Variants in LMCD1 observed in about 807,000 individuals in gnomAD.
The protein encoded by LMCD1 is LIM and cysteine rich domains 1.
LMCD1 carries 32 observed loss-of-function variants against 42.7 expected under a neutral mutation model. That is an observed-to-expected ratio of 0.75 (90% CI 0.57 to 1.01). The LOEUF (loss-of-function observed/expected upper bound fraction) is 1.01. LMCD1 is among the 50% of genes least tolerant of loss of function. The pLI, the probability that LMCD1 is intolerant of heterozygous loss-of-function variation, is 0.00. For synonymous variants in LMCD1, 178 were observed against 184.9 expected, an observed-to-expected ratio of 0.96 and a Z score of 0.30; for missense variants, 458 against 483.1, an observed-to-expected ratio of 0.95 and a Z score of 0.49.
rs1389850998 is a variant in LMCD1 at position 8,502,109 on chromosome 3, C to G, written c.42+129C>G. The G allele has an allele frequency of 3.9e-6, 3 of 760,284 alleles. No homozygotes were observed. In the Admixed American group the frequency reaches 9.6e-5, roughly 24 times the overall value. The allele number at this position is 760,284 out of a possible 1,614,324, so 47.1% of individuals were successfully genotyped here. ...TTAAATTCCAAAACTGCATGGAAAA[C>G]AAATAGTTGGGAATACATGTTTGAG... On this transcript the variant is annotated intron_variant, in intron 1 of 5. Coordinates refer to ENST00000157600, the MANE Select transcript of LMCD1 (RefSeq NM_014583.4).
chr3:8,517,611 G>A (rs996133435), intron 1 of LMCD1, among the ~76,000 whole-genome samples: 2 of 152,116 alleles, frequency 1.3e-5, no homozygotes, highest in African/African-American at 4.8e-5. Context: ...TCTCATTTCA[G>A]TTCTTTCATT....
At chr3:8,561,864 C>CCGT (rs2125039690) in intron 4 of LMCD1, among the ~76,000 whole-genome samples, 1 of 129,580 alleles carries the variant, frequency 7.7e-6, no homozygotes, top group Admixed American at 7.9e-5. Context: ...ATTGTCGTTT[C>CCGT]CATCATCATC....
At position 8,537,632 on chromosome 3, in the gene LMCD1, T is replaced by C; in HGVS notation, c.387+192T>C. On this transcript the variant is annotated intron_variant, in intron 3 of 5. Coordinates refer to ENST00000157600, the MANE Select transcript of LMCD1 (RefSeq NM_014583.4). ...ATGAAGACTATCTGGGCCTCGGTTTTCCTTATCCATGAAATGGGTAGAGGT... is the reference window on the plus strand; with the variant it reads ...ATGAAGACTATCTGGGCCTCGGTTTCCCTTATCCATGAAATGGGTAGAGGT... 5.2e-6 allele frequency: 3 copies of C among 578,308 alleles called. No individual in the cohort carries two copies. The Admixed American group carries it at 1.0e-4, about 20-fold the overall frequency. The allele number at this position is 578,308 out of a possible 1,614,324, so 35.8% of individuals were successfully genotyped here.
chr3:8,559,122 C>T (rs561155706), intron 4 of LMCD1, among the ~76,000 whole-genome samples: 52 of 152,262 alleles, frequency 3.4e-4, no homozygotes, highest in Non-Finnish European at 6.8e-4. Context: ...GAAAAACTCA[C>T]ACGACTCGAT....
Position 8,565,460 on chromosome 3 carries a change from C to T in LMCD1, c.752C>T (p.Pro251Leu), listed in dbSNP as rs1260769405. The change falls in exon 5 of 6, where the codon CCT (proline) becomes CTT (leucine). Residue 251 changes from proline (P) to leucine (L), a missense_variant. By Grantham distance (98) the Pro-to-Leu change is moderately conservative. Coordinates refer to ENST00000157600, the MANE Select transcript of LMCD1 (RefSeq NM_014583.4). ...TGCGAGCTCTGCAAGGGAGCGGCCC[C>T]TCCTGACAGCCCCGTGGTCTACTCG... ...YVCELCKGAAPPDSPVVYSDR... is the reference protein window; with the variant it reads ...YVCELCKGAALPDSPVVYSDR... 6.2e-7 allele frequency: 1 copy of T among 1,614,228 alleles called. No homozygotes were observed. The highest frequency in any genetic ancestry group is 2.2e-5 in the East Asian group (1 of 44,888).
chr3:8,565,286 G>A (rs1695107117), intron 4 of LMCD1, 146 bp from the exon 5 acceptor site: 2 of 684,434 alleles, frequency 2.9e-6, no homozygotes, highest in Non-Finnish European at 5.3e-6. Flanking sequence ...GTGTCGCTTT[G>A]CAGATGACAA....
At chr3:8,505,731 C>T (rs1164740500) in intron 1 of LMCD1, among the ~76,000 whole-genome samples, 1 of 152,256 alleles carries the variant, frequency 6.6e-6, no homozygotes, top group Non-Finnish European at 1.5e-5. Context: ...GGATGTCTCT[C>T]TCCATGCTTC....
intron 1 of LMCD1, among the ~76,000 whole-genome samples, chr3:8,502,329 A>AT (rs1559342166): frequency 9.9e-5 from 2 of 20,228 alleles, no homozygotes; most frequent in African/African-American, 2.2e-4. Context: ...TATTATATAT[A>AT]ATATATATTA....
At chr3:8,529,194 G>A (rs1226587323) in intron 1 of LMCD1, among the ~76,000 whole-genome samples, 1 of 152,124 alleles carries the variant, frequency 6.6e-6, no homozygotes, top group Non-Finnish European at 1.5e-5. Context: ...AAACAAGATC[G>A]TTCTCTCTGT....
rs59852841 is a variant in LMCD1 at position 8,556,361 on chromosome 3, A to G, written c.723+7458A>G. ...TTAACTGAAAAGGGAAGAGTGTTTC[A>G]GGAGTAGTAAATATTTTTCCAGGAA... On this transcript the variant is annotated intron_variant, in intron 4 of 5. Coordinates refer to ENST00000157600, the MANE Select transcript of LMCD1 (RefSeq NM_014583.4). Among the ~76,000 whole-genome samples the G allele has an allele frequency of 9.1e-3, 1,382 of 152,120 alleles. 24 individuals are homozygous for G. Among genetic ancestry groups the G allele is most frequent in the African/African-American group, 0.031 (1,279 of 41,496 alleles).
intron 1 of LMCD1, among the ~76,000 whole-genome samples, chr3:8,503,264 G>A (rs1693803125): frequency 6.6e-6 from 1 of 152,160 alleles, no homozygotes; most frequent in African/African-American, 2.4e-5. Flanking sequence ...GCCACTCAGA[G>A]GCACAGCATG....
At chr3:8,525,098 A>C (rs1253313867) in intron 1 of LMCD1, among the ~76,000 whole-genome samples, 1 of 152,224 alleles carries the variant, frequency 6.6e-6, no homozygotes, top group Non-Finnish European at 1.5e-5. Context: ...AGAATACAGT[A>C]TTGTTAACTA....
chr3:8,519,904 A>T (rs912230536), intron 1 of LMCD1, among the ~76,000 whole-genome samples: 1 of 148,328 alleles, frequency 6.7e-6, no homozygotes, highest in African/African-American at 2.6e-5. Flanking sequence ...CCATGTGCAC[A>T]CACGTGTGTG....
chr3:8,532,995 G>A (rs961055633), intron 2 of LMCD1, among the ~76,000 whole-genome samples, 170 bp downstream of exon 2: 2 of 152,132 alleles, frequency 1.3e-5, no homozygotes, highest in African/African-American at 4.8e-5. Context: ...AACGAAAAAA[G>A]TCCTTGGGGG....
At chr3:8,558,216 T>C (rs1483908648) in intron 4 of LMCD1, among the ~76,000 whole-genome samples, 3 of 152,208 alleles carry the variant, frequency 2.0e-5, no homozygotes, top group Non-Finnish European at 2.9e-5. Context: ...TGGAAGGGTA[T>C]CCAAGAAATT....
intron 1 of LMCD1, among the ~76,000 whole-genome samples, chr3:8,524,353 C>A (rs980655050): frequency 2.0e-5 from 3 of 152,144 alleles, no homozygotes; most frequent in African/African-American, 7.2e-5. Flanking sequence ...TCGCCTCAGG[C>A]AGGGCAGAGG....
chr3:8,548,629 C>T lies in LMCD1; in HGVS notation c.449C>T (p.Ala150Val), dbSNP rs760412145. Reference protein sequence around the residue: ...EKQPVTGTEGAFYRRRQLMHQ... With the variant: ...EKQPVTGTEGVFYRRRQLMHQ... Reference sequence around the variant, plus strand: ...CAGCCAGTGACAGGCACAGAGGGTGCCTTTTACCGCCGCCGCCAGCTCATG... The same window carrying T: ...CAGCCAGTGACAGGCACAGAGGGTGTCTTTTACCGCCGCCGCCAGCTCATG... The change falls in exon 4 of 6, where the codon GCC becomes GTC. Residue 150 changes from alanine (A) to valine (V), a missense_variant. Coordinates refer to ENST00000157600, the MANE Select transcript of LMCD1 (RefSeq NM_014583.4). The T allele has an allele frequency of 1.3e-5, 21 of 1,614,144 alleles. No individual in the cohort carries two copies. The highest frequency in any genetic ancestry group is 1.6e-4 in the Middle Eastern group (1 of 6,062).
chr3:8,510,000 G>A (rs775090524), intron 1 of LMCD1, among the ~76,000 whole-genome samples: 113 of 152,226 alleles, frequency 7.4e-4, no homozygotes, highest in South Asian at 1.2e-3. Flanking sequence ...AGAGGCAGCT[G>A]AATGTTTGGG....
intron 1 of LMCD1, among the ~76,000 whole-genome samples, chr3:8,525,973 C>T (rs1694292488): frequency 6.6e-6 from 1 of 152,218 alleles, no homozygotes; most frequent in Non-Finnish European, 1.5e-5. Context: ...CCCCTCGATA[C>T]TCAAAGCGTG....
Sources: allele counts gnomAD v4.1 joint callset (sites outside exome capture counted in the v4.1 genomes callset), GRCh38; gene constraint gnomAD v4.1.1; transcripts MANE v1.5; gene names NCBI Gene and HGNC (gene_info 2026-07-23, HGNC 2026-07-21).